TRPV2: variants seen among roughly 807,000 people sequenced by gnomAD.
The protein encoded by TRPV2 is transient receptor potential cation channel subfamily V member 2.
Under a neutral mutation model 91.0 loss-of-function variants are expected in TRPV2, and 58 were observed. The ratio of observed to expected loss-of-function variants is 0.64; its 90% CI spans 0.52 to 0.79. TRPV2 has a LOEUF of 0.79. TRPV2 is among the 30% of genes least tolerant of loss of function. The pLI is 0.00. For synonymous variants in TRPV2, 417 were observed against 414.8 expected (o/e 1.01, Z -0.06); for missense variants, 807 against 969.6 (o/e 0.83, Z 2.23).
rs9915995 is a variant in TRPV2, at chr17:16,435,729, C to G, written c.2194+760C>G. 3.3e-3 allele frequency among the ~76,000 whole-genome samples: 502 copies of G among 152,288 alleles called. 4 individuals carry two copies. Among genetic ancestry groups the G allele is most frequent in the African/African-American group, 0.012 (479 of 41,550 alleles). ...TCACTTGCTTGTGCCTGTTGCCCCC[C>G]ACAATAGCCTCCTGAGTCTCCCATG... On this transcript the variant is annotated intron_variant, in intron 14 of 14. Transcript: ENST00000338560. This position sits in a 1 kb window ranked among gnomAD's most constrained non-coding sequence, Gnocchi z 4.2.
chr17:16,426,898 G>C lies in TRPV2; in HGVS notation c.1251+21G>C. 6.2e-7 allele frequency: 1 copy of C among 1,607,446 alleles called. No individual in the cohort carries two copies. The highest frequency in any genetic ancestry group is 8.5e-7 in the Non-Finnish European group (1 of 1,176,794). On this transcript the variant is annotated intron_variant, in intron 7 of 14. Transcript: ENST00000338560. This position sits in a 1 kb window ranked among gnomAD's most constrained non-coding sequence, Gnocchi z 6.0. The stretch of plus-strand genomic sequence containing the variant: ...AGAAGGCAAGGGCGTGAGGTTTGGG[G>C]GGGCACATCTTGGGGGAGGCCTGCT...
rs534292529 is a variant in TRPV2 at position 16,428,572 on chromosome 17, A to G, written c.1421+185A>G. ...GCCTGGGGCCCCTTGTGCTCCCATC[A>G]CTGTAGATGGTGATAGTGACATTTA... On this transcript the variant is annotated intron_variant, in intron 9 of 14. Coordinates refer to ENST00000338560, the MANE Select transcript of TRPV2 (RefSeq NM_016113.5). 16 of 732,114 alleles carry G rather than the reference A, an allele frequency of 2.2e-5. No individual in the cohort carries two copies. In the South Asian group the frequency reaches 2.8e-4, roughly 13 times the overall value. The allele number at this position is 732,114 out of a possible 1,614,324, so 45.4% of individuals were successfully genotyped here.
At chr17:16,420,397 A>G in intron 3 of TRPV2, 149 bp downstream of exon 3, 2 of 1,048,548 alleles carry the variant, frequency 1.9e-6, no homozygotes, top group Non-Finnish European at 2.7e-6. Flanking sequence ...CCCTGTGGAC[A>G]GAGTTAATCA....
chr17:16,433,662 A>G lies in TRPV2; in HGVS notation c.2078A>G (p.Lys693Arg), dbSNP rs2093423190. The change falls in exon 13 of 15, where the codon AAG (lysine) becomes AGG (arginine). Residue 693 changes from lysine to arginine, a missense_variant. Physicochemically the swap from Lys to Arg is conservative, Grantham distance 26. Transcript: ENST00000338560. ...GGTGTGATGCTGACCGTTGGCACTA[A>G]GCCAGATGGCAGCCCCGATGAGCGC... The part of the protein sequence containing the change: ...RAGVMLTVGT[K>R]PDGSPDERWC... The G allele has an allele frequency of 2.5e-6, 4 of 1,614,020 alleles. No individual in the cohort carries two copies. Among genetic ancestry groups the G allele is most frequent in the South Asian group, 2.2e-5 (2 of 91,092 alleles).
intron 7 of TRPV2, 66 bp from the exon 8 acceptor site, chr17:16,427,383 G>A: frequency 1.3e-6 from 2 of 1,500,638 alleles, no homozygotes; most frequent in African/African-American, 1.4e-5. Context: ...CTCAGCTTCA[G>A]CTCTGAAGGG....
intron 10 of TRPV2, among the ~76,000 whole-genome samples, chr17:16,430,860 C>T (rs922536862): frequency 2.6e-5 from 4 of 152,046 alleles, no homozygotes; most frequent in African/African-American, 4.8e-5. Flanking sequence ...ATTCATCTGT[C>T]GATCCAGTCA....
At position 16,436,571 on chromosome 17, in the gene TRPV2, G is replaced by A. The variant is rs142116995; in HGVS notation, c.2195-218G>A. Among the ~76,000 whole-genome samples, 710 of 152,284 alleles carry A rather than the reference G, an allele frequency of 4.7e-3. 3 individuals are homozygous for A. Among genetic ancestry groups the A allele is most frequent in the African/African-American group, 0.016 (678 of 41,560 alleles). ...TCACCTCCAGGCACTTTAAGCTCCT[G>A]GGGGTGGCAGGGGCAGGGGGAAGCC... On this transcript the variant is annotated intron_variant, in intron 14 of 14. Coordinates refer to ENST00000338560, the MANE Select transcript of TRPV2 (RefSeq NM_016113.5).
chr17:16,424,047 T>C lies in TRPV2; in HGVS notation c.924+280T>C, dbSNP rs374600297. On this transcript the variant is annotated intron_variant, in intron 5 of 14. Coordinates refer to ENST00000338560, the MANE Select transcript of TRPV2 (RefSeq NM_016113.5). ...TCTTGTTGCCCAGGCTGGAGTGCAA[T>C]GGTGCGACCTCGGCTCACCGCAACC... is the stretch of plus-strand genomic sequence containing the variant. Among the ~76,000 whole-genome samples, 13 of 152,296 alleles carry C rather than the reference T, an allele frequency of 8.5e-5. No homozygotes were observed. In the East Asian group the frequency reaches 1.9e-3, roughly 23 times the overall value.
chr17:16,429,374 G>A (rs1401403581), intron 10 of TRPV2, among the ~76,000 whole-genome samples: 1 of 152,210 alleles, frequency 6.6e-6, no homozygotes, highest in Non-Finnish European at 1.5e-5. Flanking sequence ...CCTGTTCTAG[G>A]TGTTGGGAAT....
Position 16,426,651 on chromosome 17 carries a change from A to G in TRPV2, c.1096-71A>G. On this transcript the variant is annotated intron_variant, in intron 6 of 14. Coordinates refer to ENST00000338560, the MANE Select transcript of TRPV2 (RefSeq NM_016113.5). The surrounding 1 kb of genome is among the most constrained non-coding windows in gnomAD (Gnocchi z 6.0). ...CCTCATTTCCTGGGCCCTTGCTTTG[A>G]TCTTGACATGGAGTGGGCAGCCTAT... 2.6e-6 allele frequency: 4 copies of G among 1,539,348 alleles called. No individual in the cohort carries two copies. Among genetic ancestry groups the G allele is most frequent in the South Asian group, 1.2e-5 (1 of 80,420 alleles).
intron 10 of TRPV2, among the ~76,000 whole-genome samples, chr17:16,431,318 A>T (rs2093411788): frequency 9.4e-6 from 1 of 106,432 alleles, no homozygotes. Context: ...TTTTGAGACG[A>T]AGTCTCACTC....
In TRPV2 at chr17:16,435,489, C is replaced by T. The variant is rs530487897; in HGVS notation, c.2194+520C>T. ...CCACTTCCCATGCTTCCTCCATGTC[C>T]GTGGCCTGTGTCCTCTCCGTTCCAG... On this transcript the variant is annotated intron_variant, in intron 14 of 14. Coordinates refer to ENST00000338560, the MANE Select transcript of TRPV2 (RefSeq NM_016113.5). The surrounding 1 kb of genome is among the most constrained non-coding windows in gnomAD (Gnocchi z 4.2). Among the ~76,000 whole-genome samples, 53 of 152,252 alleles carry T rather than the reference C, an allele frequency of 3.5e-4. No individual in the cohort carries two copies. The highest frequency in any genetic ancestry group is 1.2e-3 in the African/African-American group (50 of 41,542).
chr17:16,430,710 C>G (rs531577682), intron 10 of TRPV2, among the ~76,000 whole-genome samples: 92 of 152,116 alleles, frequency 6.0e-4, no homozygotes, highest in Non-Finnish European at 9.4e-4. Flanking sequence ...TGGTCTTGAA[C>G]TCCTGACCTC....
rs781644274 is a variant in TRPV2 at position 16,432,020 on chromosome 17, A to G, written c.1709A>G (p.Asn570Ser). 7.5e-6 allele frequency: 12 copies of G among 1,610,132 alleles called. No individual in the cohort carries two copies. The highest frequency in any genetic ancestry group is 6.6e-5 in the South Asian group (6 of 90,938). ...CGCCCCGAAGCTCCTACAGGCCCCA[A>G]TGCCACAGAGTCAGTGCAGCCCATG... The part of the protein sequence containing the change: ...AWRPEAPTGP[N>S]ATESVQPMEG... Residue 570 changes from asparagine (N) to serine (S), a missense_variant, in exon 12 of 15, where the codon AAT becomes AGT. By Grantham distance (46) the Asn-to-Ser change is conservative. Coordinates refer to ENST00000338560, the MANE Select transcript of TRPV2 (RefSeq NM_016113.5).
chr17:16,434,864 C>A, intron 13 of TRPV2, 26 bp from the exon 14 acceptor site: 1 of 1,608,116 alleles, frequency 6.2e-7, no homozygotes, highest in Non-Finnish European at 8.5e-7. Flanking sequence ...AGCAGGCAAA[C>A]CTCAGAGCTG....
At chr17:16,417,109 C>T (rs972604781) in intron 1 of TRPV2, among the ~76,000 whole-genome samples, 3 of 152,234 alleles carry the variant, frequency 2.0e-5, no homozygotes, top group Admixed American at 6.5e-5. Flanking sequence ...ACCCCACAGG[C>T]CTCCCTCCCT....
At chr17:16,424,344 G>A (rs2093372996) in intron 5 of TRPV2, among the ~76,000 whole-genome samples, 1 of 151,922 alleles carries the variant, frequency 6.6e-6, no homozygotes, top group South Asian at 2.1e-4. Flanking sequence ...TGTATTTTCA[G>A]TAAAGAGGGG....
Position 16,434,989 on chromosome 17 carries a change from G to T in TRPV2, c.2194+20G>T. ...TCCCTCGTGAGTAGCCTGGTGACTA[G>T]AGCCTCTGCCCTGGGGTGTGTGTCT... On this transcript the variant is annotated intron_variant, in intron 14 of 14. Coordinates refer to ENST00000338560, the MANE Select transcript of TRPV2 (RefSeq NM_016113.5). The T allele has an allele frequency of 6.2e-7, 1 of 1,604,466 alleles. No individual in the cohort carries two copies. Among genetic ancestry groups the T allele is most frequent in the East Asian group, 2.3e-5 (1 of 44,396 alleles).
intron 10 of TRPV2, among the ~76,000 whole-genome samples, chr17:16,430,948 G>A (rs534151059): frequency 7.3e-4 from 111 of 151,846 alleles, no homozygotes; most frequent in Non-Finnish European, 8.1e-4. Context: ...TAGAGTCCCT[G>A]CTTTCAATTC....
Sources: gnomAD v4.1 joint callset for allele counts (sites outside exome capture counted in the v4.1 genomes callset) on GRCh38, gnomAD v4.1.1 for gene constraint, Gnocchi (gnomAD v3.1) non-coding constraint, MANE v1.5 for transcripts, NCBI Gene and HGNC (gene_info 2026-07-23, HGNC 2026-07-21) for gene names.